TRIM35: variants seen among roughly 807,000 people sequenced by gnomAD.
The protein encoded by TRIM35 is E3 ubiquitin-protein ligase TRIM35.
Under a neutral mutation model 49.1 loss-of-function variants are expected in TRIM35, and 37 were observed. The observed-to-expected ratio is 0.75, with a 90% confidence interval of 0.58 to 0.99. TRIM35 has a LOEUF of 0.99. Among genes scored for constraint, TRIM35 ranks in the 50% least tolerant of loss-of-function variants. The pLI, the probability that TRIM35 is intolerant of heterozygous loss-of-function variation, is 0.00. For missense variants in TRIM35, 648 were observed against 702.7 expected, an observed-to-expected ratio of 0.92 and a Z score of 0.88; for synonymous variants, 302 against 289.3, an observed-to-expected ratio of 1.04 and a Z score of -0.45.
chr8:27,307,992 C>T (rs1398341103), intron 1 of TRIM35, among the ~76,000 whole-genome samples: 6 of 152,034 alleles, frequency 3.9e-5, no homozygotes, highest in African/African-American at 7.3e-5. Flanking sequence ...ATCACAGGGT[C>T]CTTATGAGAG....
chr8:27,311,044 C>A lies in TRIM35; in HGVS notation c.192G>T (p.Ala64=), dbSNP rs142139999. The change falls in exon 1 of 6, where the codon GCG becomes GCT. Residue 64 remains alanine (A), a synonymous_variant. Transcript: ENST00000305364. ...GGTTGGTGCGCAGGTCGGCGGGTGA[C>A]GCGCGGTCTTTGCACACTGGGCAGG... ...SPTCPVCKDR[A]SPADLRTNHT... The A allele has an allele frequency of 6.3e-7, 1 of 1,599,746 alleles. No individual in the cohort carries two copies. Among genetic ancestry groups the A allele is most frequent in the African/African-American group, 1.3e-5 (1 of 74,668 alleles).
rs1223147314 is a variant in TRIM35 at position 27,285,334 on chromosome 8, G to A, written c.*2216C>T. Reference sequence around the variant, plus strand: ...TCAAGGGTTAAATAGAGTTTCATATGATCCAGCAAATCTGCTCCCAGGCAT... The same window carrying A: ...TCAAGGGTTAAATAGAGTTTCATATAATCCAGCAAATCTGCTCCCAGGCAT... On this transcript the variant is annotated 3_prime_UTR_variant, in exon 6 of 6. Coordinates refer to ENST00000305364, the MANE Select transcript of TRIM35 (RefSeq NM_171982.5). The A allele has an allele frequency of 6.6e-6, 1 of 152,172 alleles. No homozygotes were observed. Among genetic ancestry groups the A allele is most frequent in the Non-Finnish European group, 1.5e-5 (1 of 68,046 alleles). The allele number at this position is 152,172 out of a possible 1,614,324, so 9.4% of individuals were successfully genotyped here.
At chr8:27,302,755 A>G (rs1342748532) in intron 1 of TRIM35, among the ~76,000 whole-genome samples, 3 of 152,206 alleles carry the variant, frequency 2.0e-5, no homozygotes, top group African/African-American at 7.2e-5. Context: ...CTGGTTTTGC[A>G]TCTTGATTTT....
At chr8:27,299,382 G>T (rs552171806) in intron 1 of TRIM35, among the ~76,000 whole-genome samples, 1 of 152,104 alleles carries the variant, frequency 6.6e-6, no homozygotes, top group African/African-American at 2.4e-5. Context: ...ATTATAAATG[G>T]TTATCATTTA....
At chr8:27,299,231 T>C (rs529841878) in intron 1 of TRIM35, among the ~76,000 whole-genome samples, 16 of 152,348 alleles carry the variant, frequency 1.1e-4, no homozygotes, top group South Asian at 2.1e-4. Flanking sequence ...CTTGGACAAC[T>C]TGAAGAACCA....
chr8:27,310,756 G>A (rs775651221), intron 1 of TRIM35, 45 bp downstream of exon 1: 2 of 1,531,780 alleles, frequency 1.3e-6, no homozygotes, highest in East Asian at 4.6e-5. Flanking sequence ...GGGATTCCGG[G>A]TTCCAGACCC....
intron 5 of TRIM35, 152 bp from the exon 6 acceptor site, chr8:27,288,279 G>A: frequency 1.4e-6 from 1 of 735,040 alleles, no homozygotes; most frequent in Non-Finnish European, 2.2e-6. Context: ...GGCAGGGGTT[G>A]GGCTGTATCC....
chr8:27,308,727 C>G (rs959155185), intron 1 of TRIM35, among the ~76,000 whole-genome samples: 1 of 152,218 alleles, frequency 6.6e-6, no homozygotes, highest in Non-Finnish European at 1.5e-5. Context: ...GCTGACCACA[C>G]CTGGCTCTCA....
intron 1 of TRIM35, among the ~76,000 whole-genome samples, chr8:27,305,083 C>A (rs1270894072): frequency 1.3e-5 from 2 of 152,194 alleles, no homozygotes; most frequent in Non-Finnish European, 2.9e-5. Flanking sequence ...AAAAATACTA[C>A]CAAGCTCAAA....
intron 3 of TRIM35, 101 bp from the exon 4 acceptor site, chr8:27,290,279 G>T: frequency 8.8e-7 from 1 of 1,132,590 alleles, no homozygotes; most frequent in Non-Finnish European, 1.3e-6. Flanking sequence ...TGGATCATAA[G>T]TCTTAATATT....
At position 27,294,155 on chromosome 8, in the gene TRIM35, C is replaced by CTCTG. The variant is rs1231733797; in HGVS notation, c.683_686dup (p.Glu229AspfsTer10). 4 of 1,614,144 alleles carry CTCTG rather than the reference C, an allele frequency of 2.5e-6. No homozygotes were observed. On this transcript the variant is annotated frameshift_variant, in exon 3 of 6. Transcript: ENST00000305364. LOFTEE classifies it high-confidence loss of function. Reference sequence around the variant, plus strand: ...TCTCATGTGCCAGCACCTCCGTCTCCTCTGTGAGCTGCTTCATCTTCTCGT... The same window carrying CTCTG: ...TCTCATGTGCCAGCACCTCCGTCTCCTCTGTCTGTGAGCTGCTTCATCTTCTCGT...
chr8:27,308,682 T>C (rs1444963857), intron 1 of TRIM35, among the ~76,000 whole-genome samples: 1 of 152,232 alleles, frequency 6.6e-6, no homozygotes, highest in East Asian at 1.9e-4. Context: ...AGTACCCATT[T>C]GTCTAGTAAA....
intron 2 of TRIM35, among the ~76,000 whole-genome samples, 195 bp downstream of exon 2, chr8:27,298,269 G>A (rs973913622): frequency 6.6e-6 from 1 of 152,190 alleles, no homozygotes; most frequent in Non-Finnish European, 1.5e-5. Flanking sequence ...ACCACGCCTG[G>A]GTCTTTAGAG....
chr8:27,293,752 G>A (rs1802504380), intron 3 of TRIM35, among the ~76,000 whole-genome samples: 1 of 151,998 alleles, frequency 6.6e-6, no homozygotes, highest in Admixed American at 6.6e-5. Context: ...TACTCAGGAG[G>A]CTAAGGAGAG....
In TRIM35 at chr8:27,287,516, CT is replaced by C; in HGVS notation, c.*33del. The C allele has an allele frequency of 6.6e-7, 1 of 1,511,200 alleles. No individual in the cohort carries two copies. Among genetic ancestry groups the C allele is most frequent in the Non-Finnish European group, 8.9e-7 (1 of 1,127,254 alleles). 93.6% of individuals were successfully genotyped at this position (1,511,200 alleles called of 1,614,324 possible). On this transcript the variant is annotated 3_prime_UTR_variant, in exon 6 of 6. Transcript: ENST00000305364. The surrounding 1 kb of genome is among the most constrained non-coding windows in gnomAD (Gnocchi z 6.0). Reference sequence around the variant, plus strand: ...GGAAGAGGGCAGAAAGAAAACAGTGCTGTGGCACAAGACCGGGGCAGCCCCG... The same window carrying C: ...GGAAGAGGGCAGAAAGAAAACAGTGCGTGGCACAAGACCGGGGCAGCCCCG...
chr8:27,287,961 G>A lies in TRIM35; in HGVS notation c.1071C>T (p.Ala357=). 1 of 1,613,278 alleles carries A rather than the reference G, an allele frequency of 6.2e-7. No homozygotes were observed. Among genetic ancestry groups the A allele is most frequent in the African/African-American group, 1.3e-5 (1 of 75,048 alleles). The change falls in exon 6 of 6, where the codon GCC becomes GCT. Residue 357 remains alanine, a synonymous_variant. Coordinates refer to ENST00000305364, the MANE Select transcript of TRIM35 (RefSeq NM_171982.5). The surrounding 1 kb of genome is among the most constrained non-coding windows in gnomAD (Gnocchi z 6.0). The part of the protein sequence containing the change: ...GSRVFSQGSH[A]WEVALGGLQS... ...GCAGCCCCCCAAGGGCCACCTCCCA[G>A]GCGTGCGAGCCCTGTGAGAAGACAC...
chr8:27,298,598 G>C, intron 1 of TRIM35, 39 bp from the exon 2 acceptor site: 1 of 1,571,148 alleles, frequency 6.4e-7, no homozygotes, highest in South Asian at 1.1e-5. Context: ...AGACAGGTTA[G>C]GGCTGGAGGC....
intron 1 of TRIM35, 129 bp downstream of exon 1, chr8:27,310,672 G>A: frequency 1.9e-6 from 2 of 1,080,114 alleles, no homozygotes; most frequent in Non-Finnish European, 2.6e-6. Flanking sequence ...GAGAGGTGGG[G>A]TCCTGCATGC....
Position 27,310,683 on chromosome 8 carries a change from TG to T in TRIM35, c.435+117del, listed in dbSNP as rs572568843. The T allele has an allele frequency of 1.1e-4, 133 of 1,217,168 alleles. No individual in the cohort carries two copies. The African/African-American group carries it at 1.9e-3, about 17-fold the overall frequency. The allele number at this position is 1,217,168 out of a possible 1,614,324, so 75.4% of individuals were successfully genotyped here. A position where few individuals can be genotyped will look rare whatever the true frequency, so the allele number is the denominator to read the frequency against. ...GTCGGAGAGGTGGGGTCCTGCATGC[TG>T]GGAGCGAGACGCGGGCACACTGGGC... On this transcript the variant is annotated intron_variant, in intron 1 of 5. Transcript: ENST00000305364.
Sources: allele counts gnomAD v4.1 joint callset (sites outside exome capture counted in the v4.1 genomes callset), GRCh38; gene constraint gnomAD v4.1.1; non-coding constraint Gnocchi (gnomAD v3.1); transcripts MANE v1.5; gene names NCBI Gene and HGNC (gene_info 2026-07-23, HGNC 2026-07-21).